The following MECOM variants were observed in gnomAD, a reference collection of about 807,000 sequenced individuals.
MECOM encodes MDS1 and EVI1 complex locus, also known as histone-lysine N-methyltransferase MECOM.
MECOM carries 13 observed loss-of-function variants against 116.3 expected under a neutral mutation model. The observed-to-expected ratio is 0.11, with a 90% CI of 0.07 to 0.18. The LOEUF (loss-of-function observed/expected upper bound fraction) is 0.18, where lower values mean the gene tolerates loss of function less well. Among genes scored for constraint, MECOM ranks in the 10% least tolerant of loss-of-function variants. The pLI is 1.00. For synonymous variants in MECOM, 528 were observed against 535.2 expected, an observed-to-expected ratio of 0.99 and a Z score of 0.19; for missense variants, 1,299 against 1,509.0, an observed-to-expected ratio of 0.86 and a Z score of 2.31.
At chr3:169,224,551 T>C (rs6797224) in intron 2 of MECOM, among the ~76,000 whole-genome samples, 43,964 of 152,112 alleles carry the variant, frequency 0.29, 7,322 homozygotes, top group African/African-American at 0.46. Context: ...CAGTGGAATA[T>C]CCTTTCCTTC....
chr3:169,286,538 C>A (rs753262463), intron 2 of MECOM, among the ~76,000 whole-genome samples: 2 of 152,140 alleles, frequency 1.3e-5, no homozygotes, highest in Admixed American at 6.5e-5. Flanking sequence ...CGGTTGACAA[C>A]GCTCCCTGCA....
At chr3:169,315,401 A>G (rs1719558283) in intron 2 of MECOM, among the ~76,000 whole-genome samples, 1 of 152,232 alleles carries the variant, frequency 6.6e-6, no homozygotes, top group South Asian at 2.1e-4. Context: ...AGTTGTGCTC[A>G]TGAGTTGAGA....
At chr3:169,528,682 C>G (rs145335749) in intron 1 of MECOM, among the ~76,000 whole-genome samples, 2 of 152,266 alleles carry the variant, frequency 1.3e-5, no homozygotes, top group African/African-American at 4.8e-5. Flanking sequence ...TTACAGATGG[C>G]CAAGTGGCTG....
At chr3:169,184,550 C>T (rs1488134235) in intron 2 of MECOM, among the ~76,000 whole-genome samples, 1 of 152,018 alleles carries the variant, frequency 6.6e-6, no homozygotes, top group Non-Finnish European at 1.5e-5. Flanking sequence ...CTTAAGCAAA[C>T]CCAGAAATAT....
At chr3:169,460,872 G>A (rs909238075) in intron 1 of MECOM, among the ~76,000 whole-genome samples, 3 of 152,078 alleles carry the variant, frequency 2.0e-5, no homozygotes. Flanking sequence ...TCCACAAAGG[G>A]GAACCAATTA....
intron 1 of MECOM, among the ~76,000 whole-genome samples, chr3:169,655,266 T>TA (rs1775405499): frequency 6.6e-6 from 1 of 152,066 alleles, no homozygotes; most frequent in African/African-American, 2.4e-5. Context: ...AAAAATTAAA[T>TA]AAAAATAGGA....
intron 2 of MECOM, among the ~76,000 whole-genome samples, chr3:169,223,279 T>A (rs1180445767): frequency 2.8e-5 from 1 of 35,900 alleles, no homozygotes; most frequent in Non-Finnish European, 5.0e-5. Flanking sequence ...CCCTCCCCCC[T>A]CCCCCCTCCC....
intron 1 of MECOM, among the ~76,000 whole-genome samples, chr3:169,618,086 T>A (rs1770243796): frequency 6.6e-6 from 1 of 152,220 alleles, no homozygotes; most frequent in African/African-American, 2.4e-5. Flanking sequence ...TTCAGTGCCA[T>A]CAAAATGAGA....
chr3:169,484,515 A>G (rs1751856807), intron 1 of MECOM, among the ~76,000 whole-genome samples: 1 of 152,244 alleles, frequency 6.6e-6, no homozygotes, highest in Admixed American at 6.5e-5. Context: ...TGACTTAAAC[A>G]TCATAAATAT....
intron 1 of MECOM, among the ~76,000 whole-genome samples, chr3:169,504,978 A>G (rs1269311913): frequency 6.6e-6 from 1 of 152,192 alleles, no homozygotes; most frequent in Admixed American, 6.5e-5. Context: ...GGAGGCTACC[A>G]TCCGTCACCA....
chr3:169,503,653 C>T (rs546740292), intron 1 of MECOM, among the ~76,000 whole-genome samples: 1 of 152,258 alleles, frequency 6.6e-6, no homozygotes, highest in Admixed American at 6.5e-5. Context: ...AATGGATGTA[C>T]ATCTCAAACT....
At chr3:169,502,333 T>C (rs913762859) in intron 1 of MECOM, among the ~76,000 whole-genome samples, 5 of 152,132 alleles carry the variant, frequency 3.3e-5, no homozygotes. Flanking sequence ...GCAGAATCCA[T>C]ATCAGATTCT....
intron 1 of MECOM, among the ~76,000 whole-genome samples, chr3:169,506,099 G>T (rs1266911217): frequency 6.6e-6 from 1 of 152,200 alleles, no homozygotes. Context: ...GCTGTTAATT[G>T]CTCTCTCGTG....
At chr3:169,133,108 CAT>C (rs1262341471) in intron 3 of MECOM, among the ~76,000 whole-genome samples, 4 of 134,200 alleles carry the variant, frequency 3.0e-5, no homozygotes, top group Admixed American at 2.8e-4. Context: ...GAGCAAAACA[CAT>C]ACACACACAC....
chr3:169,650,838 T>C (rs752144039), intron 1 of MECOM, among the ~76,000 whole-genome samples: 3 of 152,170 alleles, frequency 2.0e-5, no homozygotes, highest in Non-Finnish European at 2.9e-5. Flanking sequence ...TTCTGAAAAC[T>C]GGACACTACC....
At chr3:169,491,578 C>A (rs1011857993) in intron 1 of MECOM, among the ~76,000 whole-genome samples, 1 of 152,124 alleles carries the variant, frequency 6.6e-6, no homozygotes, top group African/African-American at 2.4e-5. Flanking sequence ...ACATTTTTCT[C>A]ATTTTGTCTC....
At chr3:169,526,214 C>T (rs897212349) in intron 1 of MECOM, among the ~76,000 whole-genome samples, 2 of 151,886 alleles carry the variant, frequency 1.3e-5, no homozygotes, top group Non-Finnish European at 2.9e-5. Context: ...AACGTTGGGC[C>T]GTCGGAGAGC....
intron 11 of MECOM, 125 bp downstream of exon 11, chr3:169,101,935 C>T (rs1356908039): frequency 9.7e-6 from 8 of 820,998 alleles, no homozygotes; most frequent in Non-Finnish European, 9.0e-6. Flanking sequence ...CTTTGAAGTG[C>T]TGGAGATCTA....
chr3:169,424,284 A>G (rs1740275101), intron 1 of MECOM, among the ~76,000 whole-genome samples: 1 of 152,126 alleles, frequency 6.6e-6, no homozygotes, highest in Non-Finnish European at 1.5e-5. Context: ...AAAGACCATG[A>G]TGCTCTGGTT....
Sources: gnomAD v4.1 joint callset for allele counts (sites outside exome capture counted in the v4.1 genomes callset) on GRCh38, gnomAD v4.1.1 for gene constraint, MANE v1.5 for transcripts, NCBI Gene and HGNC (gene_info 2026-07-23, HGNC 2026-07-21) for gene names.